ACOT7: variants seen among roughly 807,000 people sequenced by gnomAD.
The protein encoded by ACOT7 is acyl-CoA thioesterase 7.
In ACOT7, 12 loss-of-function variants were observed where a neutral mutation model predicts 40.2. That is an observed-to-expected ratio of 0.30 (90% CI 0.19 to 0.48). The LOEUF (loss-of-function observed/expected upper bound fraction) is 0.48, where lower values mean the gene tolerates loss of function less well. Among genes scored for constraint, ACOT7 ranks in the 20% least tolerant of loss-of-function variants. ACOT7 has a pLI of 0.99. For missense variants in ACOT7, 395 were observed against 530.8 expected, an observed-to-expected ratio of 0.74 and a Z score of 2.51; for synonymous variants, 228 against 219.5, an observed-to-expected ratio of 1.04 and a Z score of -0.34.
intron 5 of ACOT7, among the ~76,000 whole-genome samples, chr1:6,319,929 G>A (rs760497734): frequency 6.6e-6 from 1 of 152,226 alleles, no homozygotes; most frequent in Non-Finnish European, 1.5e-5. Flanking sequence ...GGTCTGAAAC[G>A]CCTCCCACTT....
intron 2 of ACOT7, among the ~76,000 whole-genome samples, chr1:6,341,425 G>C (rs1202926308): frequency 6.6e-6 from 1 of 150,612 alleles, no homozygotes; most frequent in African/African-American, 2.4e-5. Context: ...GAGCCACCGT[G>C]CCCGGCCCAA....
At chr1:6,379,680 T>C (rs952428067) in intron 1 of ACOT7, among the ~76,000 whole-genome samples, 6 of 151,664 alleles carry the variant, frequency 4.0e-5, no homozygotes, top group African/African-American at 1.4e-4. Flanking sequence ...CAGGCTGGTC[T>C]TGAACTCCTG....
chr1:6,340,156 C>CG (rs1237832929), intron 2 of ACOT7, among the ~76,000 whole-genome samples: 2 of 152,040 alleles, frequency 1.3e-5, no homozygotes, highest in East Asian at 3.9e-4. Context: ...TTAGTAGAGA[C>CG]GGGGTTTCTC....
intron 3 of ACOT7, among the ~76,000 whole-genome samples, chr1:6,334,833 C>A (rs1379605483): frequency 1.3e-5 from 2 of 152,224 alleles, no homozygotes; most frequent in Non-Finnish European, 2.9e-5. Flanking sequence ...CACACAGCAA[C>A]TTGGTGCCAT....
intron 2 of ACOT7, among the ~76,000 whole-genome samples, chr1:6,346,549 G>A (rs760468363): frequency 5.3e-5 from 8 of 152,240 alleles, no homozygotes; most frequent in East Asian, 1.9e-4. Flanking sequence ...TGAGGTCCCC[G>A]AGCCGCGCTA....
rs1639777922 is a variant in ACOT7 at position 6,295,146 on chromosome 1, G to A, written c.713-166C>T. The A allele has an allele frequency of 1.5e-5, 8 of 533,746 alleles. 1 individual carries two copies. The highest frequency in any genetic ancestry group is 1.4e-4 in the South Asian group (6 of 44,224). 33.1% of individuals were successfully genotyped at this position (533,746 alleles called of 1,614,324 possible). On this transcript the variant is annotated intron_variant, in intron 6 of 8. Transcript: ENST00000361521. The stretch of plus-strand genomic sequence containing the variant: ...CGGCCGCACGTGCTGTGGCTCACGC[G>A]CTACATGGGGCTTCCTCAGGAGATT...
chr1:6,337,999 T>G (rs1366390797), intron 3 of ACOT7, among the ~76,000 whole-genome samples: 1 of 59,632 alleles, frequency 1.7e-5, no homozygotes, highest in African/African-American at 9.3e-5. Flanking sequence ...AGACACCATC[T>G]CAAAAAAAAA....
chr1:6,334,908 A>C (rs1253863673), intron 3 of ACOT7, among the ~76,000 whole-genome samples: 1 of 152,216 alleles, frequency 6.6e-6, no homozygotes, highest in Admixed American at 6.5e-5. Flanking sequence ...TGGCTTTGTC[A>C]GGCACGGTGG....
intron 6 of ACOT7, among the ~76,000 whole-genome samples, chr1:6,304,390 GTTC>G (rs1557641011): frequency 2.2e-5 from 3 of 136,656 alleles, no homozygotes; most frequent in Non-Finnish European, 3.1e-5. Flanking sequence ...AGAAAAGTAC[GTTC>G]TTTTTTTTTT....
chr1:6,325,215 G>C (rs569519303), intron 5 of ACOT7, among the ~76,000 whole-genome samples: 3 of 152,102 alleles, frequency 2.0e-5, no homozygotes, highest in African/African-American at 7.2e-5. Context: ...TGGCTAATAC[G>C]GTGAAACCCC....
chr1:6,368,171 T>C (rs983620367), intron 1 of ACOT7, among the ~76,000 whole-genome samples: 15 of 152,090 alleles, frequency 9.9e-5, no homozygotes, highest in African/African-American at 3.6e-4. Flanking sequence ...CCTCCCCAGT[T>C]TGAAGGTGAG....
At chr1:6,339,006 G>A (rs945722652) in intron 3 of ACOT7, among the ~76,000 whole-genome samples, 1 of 152,190 alleles carries the variant, frequency 6.6e-6, no homozygotes, top group Non-Finnish European at 1.5e-5. Flanking sequence ...GGGGCTCCCA[G>A]GAGCAAGCAC....
At chr1:6,266,062 T>C (rs1323185571) in intron 8 of ACOT7, among the ~76,000 whole-genome samples, 1 of 152,174 alleles carries the variant, frequency 6.6e-6, no homozygotes, top group Admixed American at 6.5e-5. Flanking sequence ...TAGGTGGCGC[T>C]CCTTGCAGCG....
In ACOT7 at chr1:6,338,214, G is replaced by A. The variant is rs1252935179; in HGVS notation, c.418+1219C>T. Among the ~76,000 whole-genome samples, 2 of 152,150 alleles carry A rather than the reference G, an allele frequency of 1.3e-5. No individual in the cohort carries two copies. Among genetic ancestry groups the A allele is most frequent in the African/African-American group, 4.8e-5 (2 of 41,438 alleles). On this transcript the variant is annotated intron_variant, in intron 3 of 8. Transcript: ENST00000361521. This position sits in a 1 kb window ranked among gnomAD's most constrained non-coding sequence, Gnocchi z 4.4. ...AGGTCCTAGGAAGCAGGAGAGCGCG[G>A]CAGGCCATCCCTCCTCTCCAGGAAG...
At chr1:6,269,105 G>A (rs1425566482) in intron 8 of ACOT7, among the ~76,000 whole-genome samples, 1 of 152,232 alleles carries the variant, frequency 6.6e-6, no homozygotes, top group East Asian at 1.9e-4. Context: ...GCACAGAAAT[G>A]ATTGTCCACT....
chr1:6,387,618 AC>A (rs1454420825), intron 1 of ACOT7, among the ~76,000 whole-genome samples: 2 of 152,080 alleles, frequency 1.3e-5, no homozygotes, highest in Non-Finnish European at 2.9e-5. Flanking sequence ...CTATGGGGTC[AC>A]CCCCTGGTGC....
chr1:6,342,009 T>A (rs1254066555), intron 2 of ACOT7, among the ~76,000 whole-genome samples: 1 of 152,168 alleles, frequency 6.6e-6, no homozygotes, highest in East Asian at 1.9e-4. Context: ...CTGGGGATCA[T>A]CCTCTGTAGC....
At chr1:6,344,957 C>T (rs1042621545) in intron 2 of ACOT7, among the ~76,000 whole-genome samples, 4 of 152,042 alleles carry the variant, frequency 2.6e-5, no homozygotes, top group Non-Finnish European at 4.4e-5. Flanking sequence ...TGGCAGGAGC[C>T]GGGACCCAGG....
At chr1:6,341,224 C>T (rs887717845) in intron 2 of ACOT7, among the ~76,000 whole-genome samples, 2 of 151,666 alleles carry the variant, frequency 1.3e-5, no homozygotes, top group African/African-American at 4.8e-5. Flanking sequence ...TCACTGCAAC[C>T]TCCGCCTCCA....
Sources: allele counts gnomAD v4.1 joint callset (sites outside exome capture counted in the v4.1 genomes callset), GRCh38; gene constraint gnomAD v4.1.1; non-coding constraint Gnocchi (gnomAD v3.1); transcripts MANE v1.5; gene names NCBI Gene and HGNC (gene_info 2026-07-23, HGNC 2026-07-21).